Variants in MIDEAS observed in about 807,000 individuals in gnomAD.
MIDEAS encodes the protein mitotic deacetylase associated SANT domain protein, also known as mitotic deacetylase-associated SANT domain protein.
MIDEAS carries 26 observed loss-of-function variants against 102.7 expected under a neutral mutation model. That is an observed-to-expected ratio of 0.25 (90% CI 0.19 to 0.35). The LOEUF (loss-of-function observed/expected upper bound fraction) is 0.35. Ranked by LOEUF, MIDEAS falls within the 10% of genes least tolerant of loss-of-function variation. The pLI is 1.00. For synonymous variants in MIDEAS, 585 were observed against 591.0 expected, an observed-to-expected ratio of 0.99 and a Z score of 0.15; for missense variants, 1,231 against 1,435.6, an observed-to-expected ratio of 0.86 and a Z score of 2.30.
chr14:73,719,256 G>A (rs761392189), intron 12 of MIDEAS, 49 bp downstream of exon 12: 3 of 524,894 alleles, frequency 5.7e-6, no homozygotes, highest in Admixed American at 1.1e-4. Flanking sequence ...CGCCCCCTCC[G>A]CGCACCAGCC....
chr14:73,723,507 T>C (rs190503035), intron 9 of MIDEAS: 1 of 152,354 alleles, frequency 6.6e-6, no homozygotes, highest in Admixed American at 6.5e-5. Context: ...TGTGGTTTTG[T>C]AGAATATCTT....
intron 1 of MIDEAS, among the ~76,000 whole-genome samples, chr14:73,774,555 G>A (rs1439719760): frequency 1.3e-5 from 2 of 151,880 alleles, no homozygotes; most frequent in African/African-American, 2.4e-5. Flanking sequence ...CTTCAAGGAG[G>A]GCCAGTAGGA....
intron 3 of MIDEAS, among the ~76,000 whole-genome samples, chr14:73,734,173 C>G (rs9788464): frequency 2.0e-5 from 3 of 151,492 alleles, no homozygotes; most frequent in Non-Finnish European, 4.4e-5. Flanking sequence ...TTAGTAGAGA[C>G]GGGGTTTCAC....
At chr14:73,776,673 C>A (rs1297962095) in intron 1 of MIDEAS, among the ~76,000 whole-genome samples, 1 of 151,990 alleles carries the variant, frequency 6.6e-6, no homozygotes, top group Non-Finnish European at 1.5e-5. Context: ...ACCTGTCCAC[C>A]TGGCATATGC....
chr14:73,783,612 C>A (rs1330083820), intron 1 of MIDEAS, among the ~76,000 whole-genome samples: 2 of 152,144 alleles, frequency 1.3e-5, no homozygotes, highest in Non-Finnish European at 2.9e-5. Context: ...ACAGAGCAGG[C>A]CTTTATCCGA....
intron 1 of MIDEAS, among the ~76,000 whole-genome samples, chr14:73,755,179 A>G (rs1436106797): frequency 6.6e-6 from 1 of 152,200 alleles, no homozygotes; most frequent in East Asian, 1.9e-4. Flanking sequence ...TGGCCACAGC[A>G]CGAGGCTGTG....
intron 1 of MIDEAS, among the ~76,000 whole-genome samples, chr14:73,774,398 C>G (rs1185735237): frequency 6.6e-6 from 1 of 151,842 alleles, no homozygotes; most frequent in Non-Finnish European, 1.5e-5. Flanking sequence ...TGGGACAGGA[C>G]TTTCATTTTA....
At chr14:73,786,024 T>C (rs2053804314) in intron 1 of MIDEAS, among the ~76,000 whole-genome samples, 1 of 152,212 alleles carries the variant, frequency 6.6e-6, no homozygotes, top group Non-Finnish European at 1.5e-5. Context: ...ACGCCAACAA[T>C]GCCTGACTGT....
At chr14:73,778,184 G>A (rs1357460539) in intron 1 of MIDEAS, among the ~76,000 whole-genome samples, 2 of 151,876 alleles carry the variant, frequency 1.3e-5, no homozygotes, top group African/African-American at 2.4e-5. Context: ...GTGCAACCCC[G>A]TTTCTACTAA....
intron 3 of MIDEAS, among the ~76,000 whole-genome samples, chr14:73,735,030 A>G (rs2053184888): frequency 6.6e-6 from 1 of 152,232 alleles, no homozygotes; most frequent in Non-Finnish European, 1.5e-5. Flanking sequence ...ATTAAATGCA[A>G]ACTGTATCAG....
intron 9 of MIDEAS, 30 bp from the exon 10 acceptor site, chr14:73,722,877 C>G: frequency 6.2e-7 from 1 of 1,610,512 alleles, no homozygotes; most frequent in Non-Finnish European, 8.5e-7. Context: ...GAGGTCAGAA[C>G]CCTCTGGTTT....
At chr14:73,786,073 G>A (rs1347792872) in intron 1 of MIDEAS, among the ~76,000 whole-genome samples, 1 of 152,230 alleles carries the variant, frequency 6.6e-6, no homozygotes, top group Admixed American at 6.5e-5. Context: ...GGAAGCTGCT[G>A]CTAGGAACTG....
chr14:73,718,911 C>T lies in MIDEAS; in HGVS notation c.3232G>A (p.Ala1078Thr), dbSNP rs1484759931. ...TGGTGGGCGGCGGCGGCGGCAGCAG[C>T]GGCCTCTTTCTCCTTCAGCCTCAGC... ...AALRLKEKEA[A>T]AAAAAAHQQA... The change falls in exon 13 of 13, where the codon GCT (alanine) becomes ACT (threonine). Residue 1078 changes from alanine to threonine, a missense_variant. By Grantham distance (58) the Ala-to-Thr change is moderately conservative. Around this residue, in one of 5 missense-constraint regions of MIDEAS, gnomAD observed 71 missense variants for 51.9 expected, o/e 1.37. Transcript: ENST00000423556. 4.6e-6 allele frequency: 7 copies of T among 1,523,502 alleles called. No individual in the cohort carries two copies. The South Asian group carries it at 8.5e-5, about 18-fold the overall frequency. 94.4% of individuals were successfully genotyped at this position (1,523,502 alleles called of 1,614,324 possible).
intron 1 of MIDEAS, among the ~76,000 whole-genome samples, chr14:73,786,486 G>A (rs553655454): frequency 1.3e-5 from 2 of 152,328 alleles, no homozygotes; most frequent in African/African-American, 4.8e-5. Context: ...AGCGATCACT[G>A]TCAGGTTTGG....
chr14:73,745,211 C>G, intron 1 of MIDEAS, among the ~76,000 whole-genome samples: 1 of 152,180 alleles, frequency 6.6e-6, no homozygotes, highest in East Asian at 1.9e-4. Context: ...CCCACCCTAC[C>G]CCTGGCCCCA....
At chr14:73,782,590 A>G (rs1419470771) in intron 1 of MIDEAS, among the ~76,000 whole-genome samples, 1 of 152,160 alleles carries the variant, frequency 6.6e-6, no homozygotes, top group Non-Finnish European at 1.5e-5. Context: ...TCAGCCTCCC[A>G]AAGTGCTGGG....
intron 3 of MIDEAS, among the ~76,000 whole-genome samples, chr14:73,736,661 G>A (rs1193360091): frequency 6.6e-6 from 1 of 150,434 alleles, no homozygotes. Flanking sequence ...CAAGATCTCA[G>A]TAGTGACAGT....
In MIDEAS at chr14:73,718,798, C is replaced by T; in HGVS notation, c.*45G>A. The T allele has an allele frequency of 3.0e-6, 4 of 1,351,408 alleles. No individual in the cohort carries two copies. Among genetic ancestry groups the T allele is most frequent in the South Asian group, 3.6e-5 (2 of 56,256 alleles). The allele number at this position is 1,351,408 out of a possible 1,614,324, so 83.7% of individuals were successfully genotyped here. ...GTGTCTGCGGGCGCTGGCGGCGGTG[C>T]GGGAAGGGCCGAGGCCCAGGACTGG... is the stretch of plus-strand genomic sequence containing the variant. On this transcript the variant is annotated 3_prime_UTR_variant, in exon 13 of 13. Coordinates refer to ENST00000423556, the MANE Select transcript of MIDEAS (RefSeq NM_001367710.1).
chr14:73,784,196 G>C (rs186517193), intron 1 of MIDEAS, among the ~76,000 whole-genome samples: 1 of 152,340 alleles, frequency 6.6e-6, no homozygotes, highest in Non-Finnish European at 1.5e-5. Context: ...TGCATGGCGA[G>C]GCAGCAGCCA....
Sources: gnomAD v4.1 joint callset for allele counts (sites outside exome capture counted in the v4.1 genomes callset) on GRCh38, gnomAD v4.1.1 for gene constraint, gnomAD v4.1.1 regional missense constraint, MANE v1.5 for transcripts, NCBI Gene and HGNC (gene_info 2026-07-23, HGNC 2026-07-21) for gene names.